The following ESRRB variants were observed in gnomAD, a reference collection of about 807,000 sequenced individuals.
ESRRB encodes the protein steroid hormone receptor ERR2.
ESRRB carries 16 observed loss-of-function variants against 46.0 expected under a neutral mutation model. The ratio of observed to expected loss-of-function variants is 0.35; its 90% CI spans 0.24 to 0.53. The LOEUF (loss-of-function observed/expected upper bound fraction) is 0.53. Ranked by LOEUF, ESRRB falls within the 20% of genes least tolerant of loss-of-function variation. ESRRB has a pLI of 0.93. For synonymous variants in ESRRB, 246 were observed against 259.6 expected, an observed-to-expected ratio of 0.95 and a Z score of 0.50; for missense variants, 488 against 607.4, an observed-to-expected ratio of 0.80 and a Z score of 2.07.
intron 3 of ESRRB, among the ~76,000 whole-genome samples, chr14:76,480,829 G>C (rs1889778028): frequency 6.6e-6 from 1 of 152,182 alleles, no homozygotes; most frequent in African/African-American, 2.4e-5. Flanking sequence ...ACTGCCTTTG[G>C]GGAAAAGAAC....
intron 1 of ESRRB, among the ~76,000 whole-genome samples, chr14:76,346,167 C>T (rs188416638): frequency 6.6e-6 from 1 of 152,304 alleles, no homozygotes; most frequent in African/African-American, 2.4e-5. Context: ...CCCGCATTCA[C>T]AGAGTGGACA....
intron 1 of ESRRB, chr14:76,407,492 T>G: frequency 1.0e-6 from 1 of 968,112 alleles, no homozygotes; most frequent in Non-Finnish European, 1.2e-6. Context: ...GGGACCAGAG[T>G]CTGGTATCTA....
chr14:76,436,634 G>A (rs1050227589), intron 1 of ESRRB, among the ~76,000 whole-genome samples: 10 of 152,148 alleles, frequency 6.6e-5, no homozygotes, highest in Admixed American at 2.0e-4. Context: ...AGCAAGGTGC[G>A]CCCCTGTTGG....
intron 3 of ESRRB, among the ~76,000 whole-genome samples, chr14:76,465,910 G>T (rs992034913): frequency 1.3e-5 from 2 of 152,238 alleles, no homozygotes; most frequent in African/African-American, 4.8e-5. Context: ...GAGATCCTGG[G>T]ATCTGAAGCT....
At chr14:76,474,447 T>C (rs1267161251) in intron 3 of ESRRB, among the ~76,000 whole-genome samples, 1 of 152,250 alleles carries the variant, frequency 6.6e-6, no homozygotes, top group Non-Finnish European at 1.5e-5. Flanking sequence ...GCGTTTTGTA[T>C]TCCTATATTT....
At chr14:76,475,057 CCAT>C (rs1417058480) in intron 3 of ESRRB, among the ~76,000 whole-genome samples, 1 of 151,546 alleles carries the variant, frequency 6.6e-6, no homozygotes, top group East Asian at 1.9e-4. Flanking sequence ...AGTGAGACCC[CCAT>C]CTTTGCAAAA....
At chr14:76,427,990 A>T (rs960788655) in intron 1 of ESRRB, among the ~76,000 whole-genome samples, 13 of 152,098 alleles carry the variant, frequency 8.5e-5, no homozygotes, top group African/African-American at 2.9e-4. Context: ...GTGTTCAATG[A>T]CAGTAATTGG....
At chr14:76,426,694 C>T (rs1887216327) in intron 1 of ESRRB, among the ~76,000 whole-genome samples, 1 of 152,058 alleles carries the variant, frequency 6.6e-6, no homozygotes. Flanking sequence ...CCAACATATT[C>T]CCAGAGCTGC....
chr14:76,431,649 C>T (rs186989435), intron 1 of ESRRB, among the ~76,000 whole-genome samples: 4 of 152,246 alleles, frequency 2.6e-5, no homozygotes, highest in Admixed American at 6.5e-5. Flanking sequence ...GCCAGGGCAG[C>T]GCTTGCTAAG....
intron 3 of ESRRB, among the ~76,000 whole-genome samples, chr14:76,477,023 C>T (rs917414216): frequency 1.3e-5 from 2 of 151,374 alleles, no homozygotes; most frequent in Non-Finnish European, 2.9e-5. Context: ...ACCTGGGAGG[C>T]GGAGGTTGCA....
At chr14:76,382,098 C>T (rs760621960) in intron 1 of ESRRB, among the ~76,000 whole-genome samples, 36 of 152,096 alleles carry the variant, frequency 2.4e-4, no homozygotes, top group Admixed American at 9.2e-4. Context: ...TTCTGAACCT[C>T]GAAACATCAA....
intron 1 of ESRRB, among the ~76,000 whole-genome samples, chr14:76,344,495 C>T (rs1331363655): frequency 6.6e-6 from 1 of 151,828 alleles, no homozygotes; most frequent in Non-Finnish European, 1.5e-5. Context: ...TAGCTTAGAT[C>T]CCACATATCA....
At chr14:76,399,266 G>A (rs536009918) in intron 1 of ESRRB, among the ~76,000 whole-genome samples, 3 of 152,172 alleles carry the variant, frequency 2.0e-5, no homozygotes, top group Admixed American at 6.5e-5. Flanking sequence ...GAAGCTCCCT[G>A]TGACGGAGTC....
intron 3 of ESRRB, among the ~76,000 whole-genome samples, chr14:76,478,530 A>G (rs1481725654): frequency 6.6e-6 from 1 of 152,002 alleles, no homozygotes; most frequent in East Asian, 1.9e-4. Flanking sequence ...TTCCAGTGGT[A>G]TCTAGGAGAG....
rs148000855 is a variant in ESRRB, at chr14:76,416,732, G to A, written c.51-22609G>A. ...GATCCACCCGCCTCGGCCTCCCAAA[G>A]TGCTGGGATTTCAGGTGTGAGCCAC... On this transcript the variant is annotated intron_variant, in intron 1 of 6. Coordinates refer to ENST00000644823, the MANE Select transcript of ESRRB (RefSeq NM_001379180.1). Among the ~76,000 whole-genome samples the A allele has an allele frequency of 2.9e-3, 444 of 152,292 alleles. 2 individuals are homozygous for A. Among genetic ancestry groups the A allele is most frequent in the African/African-American group, 9.9e-3 (410 of 41,552 alleles).
Position 76,482,858 on chromosome 14 carries a change from C to A in ESRRB, c.850+99C>A. ...GTGCTTCTGATGCCCGGATCCTGGACCCCAGAAGGCCTGTGAAATCCTGGC... is the reference window on the plus strand; with the variant it reads ...GTGCTTCTGATGCCCGGATCCTGGAACCCAGAAGGCCTGTGAAATCCTGGC... On this transcript the variant is annotated intron_variant, in intron 5 of 6. Coordinates refer to ENST00000644823, the MANE Select transcript of ESRRB (RefSeq NM_001379180.1). The surrounding 1 kb of genome is among the most constrained non-coding windows in gnomAD (Gnocchi z 4.3). 1 of 1,415,644 alleles carries A rather than the reference C, an allele frequency of 7.1e-7. No homozygotes were observed. The highest frequency in any genetic ancestry group is 9.9e-7 in the Non-Finnish European group (1 of 1,011,668). 87.7% of individuals were successfully genotyped at this position (1,415,644 alleles called of 1,614,324 possible).
chr14:76,452,635 A>AAACAAG (rs1888437410), intron 2 of ESRRB, among the ~76,000 whole-genome samples: 1 of 128,020 alleles, frequency 7.8e-6, no homozygotes, highest in South Asian at 2.3e-4. Flanking sequence ...AAAAAAACAA[A>AAACAAG]ACAAAAACAA....
intron 1 of ESRRB, among the ~76,000 whole-genome samples, chr14:76,409,781 G>A (rs1204098933): frequency 6.6e-6 from 1 of 152,062 alleles, no homozygotes. Flanking sequence ...GGGTTTTTGG[G>A]GGATGGGGAT....
chr14:76,344,906 T>C (rs1884232274), intron 1 of ESRRB, among the ~76,000 whole-genome samples: 1 of 152,150 alleles, frequency 6.6e-6, no homozygotes, highest in African/African-American at 2.4e-5. Context: ...CAAATGATGT[T>C]AATTCATTCC....
Sources: allele counts gnomAD v4.1 joint callset (sites outside exome capture counted in the v4.1 genomes callset), GRCh38; gene constraint gnomAD v4.1.1; non-coding constraint Gnocchi (gnomAD v3.1); transcripts MANE v1.5; gene names NCBI Gene and HGNC (gene_info 2026-07-23, HGNC 2026-07-21).